COXFA4L2: variants seen among roughly 807,000 people sequenced by gnomAD.
The protein encoded by COXFA4L2 is NADH dehydrogenase (ubiquinone) 1 alpha subcomplex, 4-like 2.
the COXFA4L2 span, chr12:57,235,646 G>T: frequency 6.2e-7 from 1 of 1,613,772 alleles, no homozygotes; most frequent in Non-Finnish European, 8.5e-7. Context: ...AGGGGGTTGC[G>T]CTGAGTACCC....
the COXFA4L2 span, chr12:57,235,807 C>T: frequency 2.6e-6 from 4 of 1,540,056 alleles, no homozygotes; most frequent in Non-Finnish European, 3.5e-6. Context: ...CTTTCTGTCC[C>T]AGCTGTGGAG....
At chr12:57,236,756 C>T in the COXFA4L2 span, 42 of 1,371,402 alleles carry the variant, frequency 3.1e-5, no homozygotes, top group Non-Finnish European at 3.6e-5. Flanking sequence ...ACAAGCTTTT[C>T]TGCCCACCCC....
the COXFA4L2 span, chr12:57,235,028 C>CGGCA: frequency 6.4e-6 from 1 of 156,446 alleles, no homozygotes; most frequent in Non-Finnish European, 1.4e-5. Context: ...GGGGTACTGG[C>CGGCA]GGCAGCGGGA....
chr12:57,238,609 CTG>C, the COXFA4L2 span, among the ~76,000 whole-genome samples: 1 of 152,216 alleles, frequency 6.6e-6, no homozygotes, highest in Non-Finnish European at 1.5e-5. The surrounding 1 kb of genome is among the most constrained non-coding windows in gnomAD (Gnocchi z 6.8). Context: ...ATCTGGTTCT[CTG>C]TGGCACAGCT....
the COXFA4L2 span, among the ~76,000 whole-genome samples, chr12:57,238,371 C>G: frequency 6.6e-6 from 1 of 151,952 alleles, no homozygotes; most frequent in African/African-American, 2.4e-5. This position sits in a 1 kb window ranked among gnomAD's most constrained non-coding sequence, Gnocchi z 6.8. Context: ...AGAGACACGG[C>G]GAGAACAAAG....
chr12:57,237,060 C>T, the COXFA4L2 span: 31 of 1,614,178 alleles, frequency 1.9e-5, no homozygotes, highest in Admixed American at 5.0e-5. Context: ...CCGGTAGAAG[C>T]GGGCCCCAAG....
At chr12:57,237,961 T>A in the COXFA4L2 span, 1 of 154,118 alleles carries the variant, frequency 6.5e-6, no homozygotes, top group Non-Finnish European at 1.5e-5. Flanking sequence ...GATTCCCTCC[T>A]GTCCTCAACC....
At chr12:57,238,204 C>T in the COXFA4L2 span, among the ~76,000 whole-genome samples, 1 of 152,146 alleles carries the variant, frequency 6.6e-6, no homozygotes, top group African/African-American at 2.4e-5. This position sits in a 1 kb window ranked among gnomAD's most constrained non-coding sequence, Gnocchi z 6.8. Flanking sequence ...CTGGGATCGT[C>T]GGGGTACAGG....
the COXFA4L2 span, chr12:57,236,301 G>A: frequency 2.2e-6 from 1 of 458,622 alleles, no homozygotes; most frequent in Non-Finnish European, 3.9e-6. Context: ...AGGACTTAGA[G>A]GTACCCAAAA....
chr12:57,239,009 T>G, the COXFA4L2 span, among the ~76,000 whole-genome samples: 15 of 152,262 alleles, frequency 9.9e-5, no homozygotes, highest in South Asian at 3.1e-3. This position sits in a 1 kb window ranked among gnomAD's most constrained non-coding sequence, Gnocchi z 5.5. Flanking sequence ...CCCCACACTT[T>G]CCCACCACGA....
chr12:57,237,040 T>A, the COXFA4L2 span: 4 of 1,614,224 alleles, frequency 2.5e-6, no homozygotes, highest in Non-Finnish European at 3.4e-6. Flanking sequence ...CCCGGATGTC[T>A]TTTGATCTGC....
chr12:57,238,166 C>A, the COXFA4L2 span, among the ~76,000 whole-genome samples: 2 of 152,054 alleles, frequency 1.3e-5, no homozygotes, highest in Non-Finnish European at 2.9e-5. This position sits in a 1 kb window ranked among gnomAD's most constrained non-coding sequence, Gnocchi z 6.8. Context: ...GTGGAGGGCG[C>A]GGGCGGGAGC....
the COXFA4L2 span, chr12:57,236,777 CGGGTCT>C: frequency 1.7e-6 from 2 of 1,173,236 alleles, no homozygotes; most frequent in Non-Finnish European, 1.2e-6. Flanking sequence ...AACCCCACCC[CGGGTCT>C]GGTGCTCCCT....
At chr12:57,239,192 G>C in the COXFA4L2 span, among the ~76,000 whole-genome samples, 1 of 152,250 alleles carries the variant, frequency 6.6e-6, no homozygotes, top group Admixed American at 6.5e-5. This position sits in a 1 kb window ranked among gnomAD's most constrained non-coding sequence, Gnocchi z 5.5. Context: ...TCAGCGGATC[G>C]AGCGTGTTGC....
the COXFA4L2 span, chr12:57,236,096 T>G: frequency 2.6e-6 from 1 of 382,706 alleles, no homozygotes; most frequent in Non-Finnish European, 4.7e-6. Flanking sequence ...AGGTTAACCC[T>G]AAGAGCAGAG....
chr12:57,235,241 A>T, the COXFA4L2 span: 12 of 453,712 alleles, frequency 2.6e-5, no homozygotes, highest in African/African-American at 2.0e-4. Flanking sequence ...CACGCTCAAC[A>T]CGTAGCCTGT....
At chr12:57,238,037 G>GTCTT in the COXFA4L2 span, 1 of 152,480 alleles carries the variant, frequency 6.6e-6, no homozygotes, top group Non-Finnish European at 1.5e-5. The surrounding 1 kb of genome is among the most constrained non-coding windows in gnomAD (Gnocchi z 6.8). Context: ...GGGAATTTGG[G>GTCTT]TCTTAGGGAC....
chr12:57,236,050 G>A, the COXFA4L2 span: 1 of 407,990 alleles, frequency 2.5e-6, no homozygotes, highest in Admixed American at 4.0e-5. Flanking sequence ...AACTGACAAC[G>A]GGGCCCAGGG....
chr12:57,236,587 CT>C, the COXFA4L2 span: 1 of 1,574,864 alleles, frequency 6.3e-7, no homozygotes, highest in South Asian at 1.2e-5. Context: ...CAAGCCGTGC[CT>C]TTACCAGACG....
Sources: allele counts gnomAD v4.1 joint callset (sites outside exome capture counted in the v4.1 genomes callset), GRCh38; gene constraint gnomAD v4.1.1; non-coding constraint Gnocchi (gnomAD v3.1); transcripts MANE v1.5; gene names NCBI Gene and HGNC (gene_info 2026-07-23, HGNC 2026-07-21).